The following C2CD5 variants were observed in gnomAD, a reference collection of about 807,000 sequenced individuals.
C2CD5 encodes C2 calcium dependent domain containing 5.
C2CD5 carries 109 observed loss-of-function variants against 130.3 expected under a neutral mutation model. The ratio of observed to expected loss-of-function variants is 0.84; its 90% CI spans 0.72 to 0.98. The LOEUF (loss-of-function observed/expected upper bound fraction) is 0.98, where lower values mean the gene tolerates loss of function less well. Among genes scored for constraint, C2CD5 ranks in the 50% least tolerant of loss-of-function variants. The pLI is 0.00. For synonymous variants in C2CD5, 454 were observed against 429.2 expected (o/e 1.06, Z -0.71); for missense variants, 996 against 1,261.8 (o/e 0.79, Z 3.19).
intron 10 of C2CD5, among the ~76,000 whole-genome samples, chr12:22,505,760 A>T (rs1203410224): frequency 6.6e-6 from 1 of 152,150 alleles, no homozygotes; most frequent in African/African-American, 2.4e-5. Flanking sequence ...CGCTTTTATA[A>T]TTATGGTCCT....
intron 15 of C2CD5, among the ~76,000 whole-genome samples, chr12:22,477,584 C>T (rs949066680): frequency 2.0e-5 from 3 of 151,928 alleles, no homozygotes; most frequent in Non-Finnish European, 4.4e-5. Context: ...CATATGTATA[C>T]GTGTGAATGT....
chr12:22,523,511 T>C lies in C2CD5; in HGVS notation c.715A>G (p.Ile239Val), dbSNP rs753689647. The C allele has an allele frequency of 1.2e-6, 2 of 1,614,042 alleles. No homozygotes were observed. Among genetic ancestry groups the C allele is most frequent in the Non-Finnish European group, 8.5e-7 (1 of 1,179,968 alleles). The change falls in exon 7 of 27, where the codon ATA becomes GTA. Residue 239 changes from isoleucine to valine, a missense_variant. Ile to Val is a conservative substitution (Grantham distance 29). This residue lies in a region of C2CD5 where 26 missense variants were observed against 56.6 expected (regional missense o/e 0.46). Transcript: ENST00000446597. ...TTATCCAGAGTACACGCCGTTCCTATGGCTCGCACCACTAACCCAGACTCG... is the reference window on the plus strand; with the variant it reads ...TTATCCAGAGTACACGCCGTTCCTACGGCTCGCACCACTAACCCAGACTCG... ...EGESGLVVRA[I>V]GTACTLDKLS...
At chr12:22,486,500 T>C (rs924390303) in intron 12 of C2CD5, among the ~76,000 whole-genome samples, 1 of 152,196 alleles carries the variant, frequency 6.6e-6, no homozygotes, top group Non-Finnish European at 1.5e-5. Flanking sequence ...CTATCAGTCA[T>C]GACTTCAAAT....
chr12:22,469,905 C>T, intron 21 of C2CD5, 110 bp from the exon 22 acceptor site: 3 of 575,050 alleles, frequency 5.2e-6, no homozygotes, highest in East Asian at 3.3e-5. Context: ...CATCTCCCCA[C>T]CCCAATTTAT....
At position 22,449,555 on chromosome 12, in the gene C2CD5, A is replaced by C; in HGVS notation, c.*205T>G. On this transcript the variant is annotated 3_prime_UTR_variant, in exon 27 of 27. Coordinates refer to ENST00000446597, the MANE Select transcript of C2CD5 (RefSeq NM_001286176.2). ...TATCTTAACTTACTGAAGGGTCAAG[A>C]CCCCACAGGGCCTGTCTAGAACAGG... 2.3e-6 allele frequency: 1 copy of C among 426,764 alleles called. No individual in the cohort carries two copies. The highest frequency in any genetic ancestry group is 4.2e-6 in the Non-Finnish European group (1 of 236,050). 26.4% of individuals were successfully genotyped at this position (426,764 alleles called of 1,614,324 possible).
chr12:22,541,423 AATTT>A (rs1362129641), intron 2 of C2CD5, among the ~76,000 whole-genome samples: 1 of 152,160 alleles, frequency 6.6e-6, no homozygotes, highest in Non-Finnish European at 1.5e-5. Context: ...CTTCTCAATG[AATTT>A]AGGGTAAAAT....
chr12:22,539,709 GA>G (rs1179327142), intron 2 of C2CD5, among the ~76,000 whole-genome samples: 1 of 152,122 alleles, frequency 6.6e-6, no homozygotes, highest in Non-Finnish European at 1.5e-5. Context: ...AACCTACCTA[GA>G]AGACCAGGTG....
At chr12:22,486,915 T>C (rs1213231703) in intron 12 of C2CD5, among the ~76,000 whole-genome samples, 1 of 152,162 alleles carries the variant, frequency 6.6e-6, no homozygotes, top group Admixed American at 6.5e-5. Flanking sequence ...TCTACAACTA[T>C]CTGATTTTTG....
intron 8 of C2CD5, among the ~76,000 whole-genome samples, chr12:22,516,560 T>TAA (rs5796963): frequency 2.1e-5 from 3 of 144,406 alleles, no homozygotes; most frequent in African/African-American, 7.6e-5. Context: ...TTTGGTAAAT[T>TAA]AAAAAAAAAA....
At chr12:22,459,652 T>A in intron 22 of C2CD5, 110 bp from the exon 23 acceptor site, 1 of 582,894 alleles carries the variant, frequency 1.7e-6, no homozygotes, top group Non-Finnish European at 2.9e-6. Flanking sequence ...AGGAAATCTT[T>A]ATGGCTTCAT....
intron 3 of C2CD5, among the ~76,000 whole-genome samples, chr12:22,533,750 C>T (rs1302817806): frequency 1.3e-5 from 2 of 152,190 alleles, no homozygotes; most frequent in African/African-American, 2.4e-5. Context: ...GAGAAGTCCC[C>T]TCAGATCACC....
chr12:22,489,577 CA>C (rs1946070867), intron 12 of C2CD5, among the ~76,000 whole-genome samples: 1 of 151,928 alleles, frequency 6.6e-6, no homozygotes, highest in Non-Finnish European at 1.5e-5. Flanking sequence ...AGGTTACATG[CA>C]AATACTATAC....
intron 15 of C2CD5, chr12:22,477,147 A>T (rs566899245): frequency 2.0e-5 from 3 of 152,308 alleles, no homozygotes; most frequent in South Asian, 4.1e-4. Flanking sequence ...ATTTTATTTC[A>T]TTCAGTATAT....
rs761406224 is a variant in C2CD5, at chr12:22,470,884, A to C, written c.2386T>G (p.Phe796Val). The change falls in exon 21 of 27, where the codon TTT becomes GTT. Residue 796 changes from phenylalanine to valine, a missense_variant. Coordinates refer to ENST00000446597, the MANE Select transcript of C2CD5 (RefSeq NM_001286176.2). The part of the protein sequence containing the change: ...QVTVTAVAIT[F>V]DKNQALQTTK... ...GTTTGTAAAGCCTGATTTTTGTCAA[A>C]AGTGATTGCGACTGCCGTGACTGTA... The C allele has an allele frequency of 6.2e-7, 1 of 1,612,544 alleles. No homozygotes were observed. The highest frequency in any genetic ancestry group is 1.7e-5 in the Admixed American group (1 of 59,966).
At chr12:22,486,342 G>C (rs182559699) in intron 12 of C2CD5, among the ~76,000 whole-genome samples, 2 of 152,274 alleles carry the variant, frequency 1.3e-5, no homozygotes, top group South Asian at 4.1e-4. Flanking sequence ...GTTTGTTCAG[G>C]AAAGTCTAGA....
chr12:22,529,283 G>C (rs1211341521), intron 3 of C2CD5, among the ~76,000 whole-genome samples: 1 of 151,998 alleles, frequency 6.6e-6, no homozygotes, highest in Non-Finnish European at 1.5e-5. Context: ...CACTACTATT[G>C]TTATGTATAC....
rs767098592 is a variant in C2CD5 at position 22,470,892 on chromosome 12, G to C, written c.2378C>G (p.Ala793Gly). ...ELIQVTVTAVAITFDKNQALQ... is the reference protein window; with the variant it reads ...ELIQVTVTAVGITFDKNQALQ... ...AGCCTGATTTTTGTCAAAAGTGATT[G>C]CGACTGCCGTGACTGTAACCTAGAA... Residue 793 changes from alanine to glycine, a missense_variant, in exon 21 of 27, where the codon GCA (alanine) becomes GGA (glycine). Transcript: ENST00000446597. 1 of 1,611,468 alleles carries C rather than the reference G, an allele frequency of 6.2e-7. No homozygotes were observed. Among genetic ancestry groups the C allele is most frequent in the South Asian group, 1.1e-5 (1 of 90,976 alleles).
chr12:22,473,557 G>A (rs1943376082), intron 16 of C2CD5, among the ~76,000 whole-genome samples: 1 of 152,040 alleles, frequency 6.6e-6, no homozygotes, highest in Non-Finnish European at 1.5e-5. Context: ...CTTGCCCTCT[G>A]TCCTCTGCCC....
intron 7 of C2CD5, among the ~76,000 whole-genome samples, chr12:22,521,415 A>G (rs1350946739): frequency 6.6e-6 from 1 of 152,220 alleles, no homozygotes; most frequent in Non-Finnish European, 1.5e-5. Context: ...GAATGCATGC[A>G]AAACATATCC....
Sources: gnomAD v4.1 joint callset for allele counts (sites outside exome capture counted in the v4.1 genomes callset) on GRCh38, gnomAD v4.1.1 for gene constraint, gnomAD v4.1.1 regional missense constraint, MANE v1.5 for transcripts, NCBI Gene and HGNC (gene_info 2026-07-23, HGNC 2026-07-21) for gene names.